Variants in FBN2 observed in about 807,000 individuals in gnomAD.
The protein encoded by FBN2 is fibrillin-2.
FBN2 carries 105 observed loss-of-function variants against 355.6 expected under a neutral mutation model. The ratio of observed to expected loss-of-function variants is 0.30; its 90% confidence interval spans 0.25 to 0.35. The LOEUF is 0.35. Ranked by LOEUF, FBN2 falls within the 10% of genes least tolerant of loss-of-function variation. The probability of loss-of-function intolerance (pLI) is 1.00; values close to 1 mark genes in which losing one functional copy is unlikely to be tolerated. For missense variants in FBN2, 3,280 were observed against 3,758.7 expected (o/e 0.87, Z 3.33); for synonymous variants, 1,350 against 1,301.2 (o/e 1.04, Z -0.81).
chr5:128,486,203 A>G (rs1755333743), intron 5 of FBN2, among the ~76,000 whole-genome samples: 1 of 152,170 alleles, frequency 6.6e-6, no homozygotes, highest in Admixed American at 6.5e-5. Context: ...AAATCTTAGA[A>G]GAAACAAAAC....
intron 52 of FBN2, 80 bp downstream of exon 52, chr5:128,289,047 A>C: frequency 6.9e-7 from 1 of 1,449,596 alleles, no homozygotes; most frequent in Non-Finnish European, 9.7e-7. Context: ...CCCATCACCC[A>C]GGGTACCTGA....
intron 64 of FBN2, among the ~76,000 whole-genome samples, chr5:128,260,030 C>T (rs748194482): frequency 2.6e-5 from 4 of 151,954 alleles, no homozygotes; most frequent in East Asian, 1.9e-4. Flanking sequence ...CCAATTCCAT[C>T]GAGAATACCC....
chr5:128,422,044 C>T (rs1753363341), intron 7 of FBN2, among the ~76,000 whole-genome samples: 1 of 152,056 alleles, frequency 6.6e-6, no homozygotes, highest in South Asian at 2.1e-4. Flanking sequence ...TGGAAGAGGC[C>T]ACAAGCCAAG....
rs1361639411 is a variant in FBN2, at chr5:128,429,473, T to C, written c.952+17008A>G. The stretch of plus-strand genomic sequence containing the variant: ...TTGAGAATATATTTTATTCATGAAA[T>C]CCACACCATTTTTAAATTCCAGGTA... On this transcript the variant is annotated intron_variant, in intron 7 of 64. Transcript: ENST00000262464. Among the ~76,000 whole-genome samples, 3 of 152,170 alleles carry C rather than the reference T, an allele frequency of 2.0e-5. No homozygotes were observed. In the East Asian group the frequency reaches 5.8e-4, roughly 29 times the overall value.
At position 128,328,506 on chromosome 5, in the gene FBN2, T is replaced by C. The variant is rs570746466; in HGVS notation, c.4471+190A>G. 1.8e-5 allele frequency: 13 copies of C among 706,962 alleles called. No homozygotes were observed. The Admixed American group carries it at 2.3e-4, about 12-fold the overall frequency. The allele number at this position is 706,962 out of a possible 1,614,324, so 43.8% of individuals were successfully genotyped here. Reference sequence around the variant, plus strand: ...CTACTGGCTCTTGGCCAGGAAAACTTCATAAGAGATGAAAGCCGCCATCAT... The same window carrying C: ...CTACTGGCTCTTGGCCAGGAAAACTCCATAAGAGATGAAAGCCGCCATCAT... On this transcript the variant is annotated intron_variant, in intron 34 of 64. Coordinates refer to ENST00000262464, the MANE Select transcript of FBN2 (RefSeq NM_001999.4).
intron 7 of FBN2, among the ~76,000 whole-genome samples, chr5:128,426,952 C>CA (rs1456611997): frequency 6.6e-6 from 1 of 152,186 alleles, no homozygotes; most frequent in Non-Finnish European, 1.5e-5. Context: ...ACTTCTCTAG[C>CA]AAAATGCCTC....
chr5:128,306,745 A>G lies in FBN2; in HGVS notation c.5422+390T>C, dbSNP rs529874977. Among the ~76,000 whole-genome samples, 73 of 152,340 alleles carry G rather than the reference A, an allele frequency of 4.8e-4. No individual in the cohort carries two copies. The South Asian group carries it at 0.015, about 31-fold the overall frequency. On this transcript the variant is annotated intron_variant, in intron 42 of 64. Coordinates refer to ENST00000262464, the MANE Select transcript of FBN2 (RefSeq NM_001999.4). ...AAGTCTGCACATTCATATTTAGACCAGTAAAAAGGGATACTGCAAAAATAC... is the reference window on the plus strand; with the variant it reads ...AAGTCTGCACATTCATATTTAGACCGGTAAAAAGGGATACTGCAAAAATAC...
rs544546746 is a variant in FBN2 at position 128,259,082 on chromosome 5, TA to T, written c.*372del. 1.4e-3 allele frequency: 245 copies of T among 177,822 alleles called. No individual in the cohort carries two copies. The highest frequency in any genetic ancestry group is 2.6e-3 in the Admixed American group (47 of 18,386). 11.0% of individuals were successfully genotyped at this position (177,822 alleles called of 1,614,324 possible). ...AAATAAATAAACATCTATATTTTTT[TA>T]ATTAGCAACTATAGCAAAATACCCA... is the stretch of plus-strand genomic sequence containing the variant. On this transcript the variant is annotated 3_prime_UTR_variant, in exon 65 of 65. Transcript: ENST00000262464.
intron 8 of FBN2, among the ~76,000 whole-genome samples, chr5:128,401,336 G>A (rs1752792975): frequency 6.6e-6 from 1 of 152,080 alleles, no homozygotes; most frequent in African/African-American, 2.4e-5. Flanking sequence ...TTATGAATAT[G>A]CCACTATAGC....
chr5:128,302,822 C>G, intron 46 of FBN2, 151 bp downstream of exon 46: 2 of 651,516 alleles, frequency 3.1e-6, no homozygotes, highest in Admixed American at 4.8e-5. Context: ...TTTCAGTTAA[C>G]TAGAAACCAG....
intron 15 of FBN2, among the ~76,000 whole-genome samples, chr5:128,370,194 A>C (rs975507994): frequency 1.3e-5 from 2 of 152,190 alleles, no homozygotes; most frequent in African/African-American, 4.8e-5. Context: ...CAACTTTATA[A>C]GACAGTAAAT....
intron 15 of FBN2, 113 bp from the exon 16 acceptor site, chr5:128,369,447 A>G (rs2126947784): frequency 1.1e-6 from 1 of 947,076 alleles, no homozygotes; most frequent in African/African-American, 1.6e-5. Flanking sequence ...TTTCAAGGGC[A>G]TCTGAGACTT....
chr5:128,504,390 G>C (rs1755898348), intron 5 of FBN2, among the ~76,000 whole-genome samples: 1 of 152,138 alleles, frequency 6.6e-6, no homozygotes, highest in African/African-American at 2.4e-5. Flanking sequence ...GCCTAGAAAA[G>C]CCACAGGCAC....
intron 20 of FBN2, among the ~76,000 whole-genome samples, chr5:128,352,521 G>T (rs1751395255): frequency 6.6e-6 from 1 of 152,226 alleles, no homozygotes; most frequent in Admixed American, 6.5e-5. Context: ...AATAATAAAT[G>T]ACTGTTAACT....
chr5:128,418,232 T>C (rs1753256161), intron 7 of FBN2, among the ~76,000 whole-genome samples: 1 of 152,156 alleles, frequency 6.6e-6, no homozygotes, highest in African/African-American at 2.4e-5. Flanking sequence ...TAGTCATCTC[T>C]CCTTCTTATT....
At chr5:128,475,687 T>C (rs1754990816) in intron 5 of FBN2, among the ~76,000 whole-genome samples, 1 of 152,118 alleles carries the variant, frequency 6.6e-6, no homozygotes. Flanking sequence ...AAAAGCTTCA[T>C]GAGATCTCTG....
intron 5 of FBN2, among the ~76,000 whole-genome samples, chr5:128,473,107 T>C (rs1308026856): frequency 6.6e-6 from 1 of 152,172 alleles, no homozygotes; most frequent in Non-Finnish European, 1.5e-5. Flanking sequence ...GACTATACTT[T>C]GGCAAGTTTT....
intron 7 of FBN2, among the ~76,000 whole-genome samples, chr5:128,438,163 T>C (rs1020151908): frequency 6.6e-6 from 1 of 152,306 alleles, no homozygotes; most frequent in East Asian, 1.9e-4. Context: ...GGCTAATTTT[T>C]GTATTTTTAG....
At chr5:128,382,330 T>A (rs572754891) in intron 11 of FBN2, among the ~76,000 whole-genome samples, 3 of 152,094 alleles carry the variant, frequency 2.0e-5, no homozygotes, top group Non-Finnish European at 4.4e-5. Flanking sequence ...TATTTTGCTA[T>A]CTCTCTAACA....
Sources: allele counts gnomAD v4.1 joint callset (sites outside exome capture counted in the v4.1 genomes callset), GRCh38; gene constraint gnomAD v4.1.1; transcripts MANE v1.5; gene names NCBI Gene and HGNC (gene_info 2026-07-23, HGNC 2026-07-21).